TMEM132D: variants seen among roughly 807,000 people sequenced by gnomAD.
The protein encoded by TMEM132D is mature OL transmembrane protein.
TMEM132D carries 21 observed loss-of-function variants against 62.3 expected under a neutral mutation model. That is an observed-to-expected ratio of 0.34 (90% confidence interval 0.24 to 0.49). TMEM132D has a LOEUF of 0.49. Ranked by LOEUF, TMEM132D falls within the 20% of genes least tolerant of loss-of-function variation. The pLI, the probability that TMEM132D is intolerant of heterozygous loss-of-function variation, is 0.99. For missense variants in TMEM132D, 1,346 were observed against 1,402.8 expected, an observed-to-expected ratio of 0.96 and a Z score of 0.65; for synonymous variants, 621 against 575.6, an observed-to-expected ratio of 1.08 and a Z score of -1.13.
At chr12:129,110,779 A>G (rs547651096) in intron 5 of TMEM132D, 3 of 152,286 alleles carry the variant, frequency 2.0e-5, no homozygotes, top group Non-Finnish European at 4.4e-5. Context: ...CATCGGAGTC[A>G]CCGGGCGCTG....
At position 129,282,255 on chromosome 12, in the gene TMEM132D, G is replaced by A. The variant is rs76342080; in HGVS notation, c.1299+55379C>T. Among the ~76,000 whole-genome samples the A allele has an allele frequency of 9.9e-5, 15 of 152,276 alleles. No homozygotes were observed. In the East Asian group the frequency reaches 2.9e-3, roughly 29 times the overall value. On this transcript the variant is annotated intron_variant, in intron 4 of 8. Transcript: ENST00000422113. ...GGGGAATAATGGCATCTCCAGGTGG[G>A]ATTGGGAATATGAGACCAGAGGGAG...
chr12:129,323,163 T>C (rs866037126), intron 4 of TMEM132D, among the ~76,000 whole-genome samples: 12 of 152,190 alleles, frequency 7.9e-5, no homozygotes, highest in South Asian at 2.1e-4. Flanking sequence ...CAGGGAGGCC[T>C]TTCTGTTGTT....
At chr12:129,596,218 T>A (rs1000169464) in intron 2 of TMEM132D, among the ~76,000 whole-genome samples, 4 of 152,166 alleles carry the variant, frequency 2.6e-5, no homozygotes, top group African/African-American at 9.7e-5. Context: ...AAGTAGCTGA[T>A]CTATAGCTCT....
chr12:129,607,499 C>T (rs900105813), intron 2 of TMEM132D, among the ~76,000 whole-genome samples: 1 of 152,136 alleles, frequency 6.6e-6, no homozygotes, highest in Non-Finnish European at 1.5e-5. Context: ...GATCAAGCCT[C>T]CACTATAAAT....
At chr12:129,566,426 C>A (rs933786315) in intron 2 of TMEM132D, among the ~76,000 whole-genome samples, 1 of 149,226 alleles carries the variant, frequency 6.7e-6, no homozygotes, top group East Asian at 2.3e-4. Context: ...TAGTTCAGGC[C>A]ATTATAAAAA....
At chr12:129,083,903 G>A (rs1044562079) in intron 6 of TMEM132D, among the ~76,000 whole-genome samples, 10 of 152,126 alleles carry the variant, frequency 6.6e-5, no homozygotes, top group Non-Finnish European at 1.5e-4. Context: ...AAGCACCATC[G>A]GGGTAATGTA....
chr12:129,537,092 A>G (rs1593056476), intron 2 of TMEM132D, among the ~76,000 whole-genome samples: 1 of 142,848 alleles, frequency 7.0e-6, no homozygotes, highest in East Asian at 2.2e-4. Flanking sequence ...CCCGGGAGGC[A>G]GAGGTTGCGG....
intron 4 of TMEM132D, among the ~76,000 whole-genome samples, chr12:129,229,849 A>T (rs1879588388): frequency 6.6e-6 from 1 of 152,220 alleles, no homozygotes; most frequent in South Asian, 2.1e-4. Flanking sequence ...AGTCTTGATT[A>T]TCTGTGCTGA....
intron 2 of TMEM132D, among the ~76,000 whole-genome samples, chr12:129,572,462 T>G (rs1488256213): frequency 6.6e-6 from 1 of 152,146 alleles, no homozygotes; most frequent in African/African-American, 2.4e-5. Context: ...TTTCTTTTTT[T>G]GTTGAGACGG....
At chr12:129,423,622 G>A (rs189693272) in intron 3 of TMEM132D, among the ~76,000 whole-genome samples, 36 of 152,272 alleles carry the variant, frequency 2.4e-4, no homozygotes, top group Admixed American at 1.0e-3. Flanking sequence ...CCAAGATGCT[G>A]TTCAGGTAGG....
intron 3 of TMEM132D, among the ~76,000 whole-genome samples, chr12:129,448,894 G>A (rs1873185633): frequency 6.6e-6 from 1 of 152,158 alleles, no homozygotes; most frequent in South Asian, 2.1e-4. Flanking sequence ...CCCAATGCCA[G>A]TAACGTATCA....
At chr12:129,442,618 C>T (rs1872973192) in intron 3 of TMEM132D, among the ~76,000 whole-genome samples, 1 of 122,122 alleles carries the variant, frequency 8.2e-6, no homozygotes, top group Admixed American at 7.6e-5. Flanking sequence ...GTATGACCAG[C>T]ATGGTCATCT....
intron 3 of TMEM132D, among the ~76,000 whole-genome samples, chr12:129,424,806 T>A (rs1026562942): frequency 1.3e-5 from 2 of 150,618 alleles, no homozygotes; most frequent in African/African-American, 4.9e-5. Flanking sequence ...TATTGAGACA[T>A]ATTTAGAACA....
At chr12:129,484,510 G>C (rs912137160) in intron 3 of TMEM132D, among the ~76,000 whole-genome samples, 1 of 152,114 alleles carries the variant, frequency 6.6e-6, no homozygotes, top group Non-Finnish European at 1.5e-5. Flanking sequence ...AGCATATTTG[G>C]AGAAAAGTCA....
At chr12:129,336,442 G>A (rs531176245) in intron 4 of TMEM132D, among the ~76,000 whole-genome samples, 4 of 152,088 alleles carry the variant, frequency 2.6e-5, no homozygotes, top group Non-Finnish European at 5.9e-5. Flanking sequence ...CAGGCATGGT[G>A]GTGGGCACCT....
intron 4 of TMEM132D, among the ~76,000 whole-genome samples, chr12:129,281,860 C>G (rs1034550166): frequency 1.3e-5 from 2 of 152,130 alleles, no homozygotes; most frequent in African/African-American, 2.4e-5. Context: ...ACCGCCAAAG[C>G]CTGGTTGAAA....
chr12:129,443,528 C>G (rs572713101), intron 3 of TMEM132D, among the ~76,000 whole-genome samples: 2 of 152,304 alleles, frequency 1.3e-5, no homozygotes, highest in East Asian at 3.9e-4. Flanking sequence ...ATCTCCCTCC[C>G]TCCCACTCCT....
At position 129,078,679 on chromosome 12, in the gene TMEM132D, G is replaced by C. The variant is rs771304270; in HGVS notation, c.1970C>G (p.Thr657Ser). ...GATGGTCACCTTCTCGTCCAGCACA[G>C]TGATGGTCTTTTCAGCGAGGATGGT... The part of the protein sequence containing the change: ...SDTILAEKTI[T>S]VLDEKVTITD... The change falls in exon 8 of 9, where the codon ACT (threonine) becomes AGT (serine). Residue 657 changes from threonine (T) to serine (S), a missense_variant. Coordinates refer to ENST00000422113, the MANE Select transcript of TMEM132D (RefSeq NM_133448.3). 1 of 1,614,206 alleles carries C rather than the reference G, an allele frequency of 6.2e-7. No homozygotes were observed. Among genetic ancestry groups the C allele is most frequent in the Admixed American group, 1.7e-5 (1 of 60,016 alleles).
chr12:129,440,545 A>G (rs1872909682), intron 3 of TMEM132D, among the ~76,000 whole-genome samples: 1 of 152,220 alleles, frequency 6.6e-6, no homozygotes, highest in African/African-American at 2.4e-5. Context: ...AGAGCAGAAT[A>G]CACTTCTCAT....
Sources: allele counts gnomAD v4.1 joint callset (sites outside exome capture counted in the v4.1 genomes callset), GRCh38; gene constraint gnomAD v4.1.1; transcripts MANE v1.5; gene names NCBI Gene and HGNC (gene_info 2026-07-23, HGNC 2026-07-21).